The following CNTNAP2 variants were observed in gnomAD, a reference collection of about 807,000 sequenced individuals.
CNTNAP2 encodes the protein contactin-associated protein-like 2.
A neutral mutation model predicts 155.2 loss-of-function variants in CNTNAP2; 98 were observed. That is an observed-to-expected ratio of 0.63 (90% CI 0.54 to 0.75). CNTNAP2 has a LOEUF of 0.75. Ranked by LOEUF, CNTNAP2 falls within the 30% of genes least tolerant of loss-of-function variation. The pLI, the probability that CNTNAP2 is intolerant of heterozygous loss-of-function variation, is 0.00. For missense variants in CNTNAP2, 1,727 were observed against 1,688.1 expected, an observed-to-expected ratio of 1.02 and a Z score of -0.40; for synonymous variants, 651 against 631.2, an observed-to-expected ratio of 1.03 and a Z score of -0.47.
At chr7:148,108,362 A>C (rs1328273346) in intron 15 of CNTNAP2, among the ~76,000 whole-genome samples, 1 of 126,398 alleles carries the variant, frequency 7.9e-6, no homozygotes, top group African/African-American at 3.9e-5. Context: ...TTACCAAAAA[A>C]TTAAAAAAAA....
In CNTNAP2 at chr7:148,409,810, G is replaced by C. The variant is rs1218830126; in HGVS notation, c.3796+339G>C. On this transcript the variant is annotated intron_variant, in intron 23 of 23. Transcript: ENST00000361727. ...CTCACGCCTGTAATCCCAGCACTTTGGGAGGCCGAGGCGGGCGGATCACAA... is the reference window on the plus strand; with the variant it reads ...CTCACGCCTGTAATCCCAGCACTTTCGGAGGCCGAGGCGGGCGGATCACAA... 3.1e-4 allele frequency among the ~76,000 whole-genome samples: 31 copies of C among 98,750 alleles called. 9 individuals carry two copies. Among genetic ancestry groups the C allele is most frequent in the Admixed American group, 2.4e-3 (30 of 12,464 alleles). 64.8% of individuals were successfully genotyped at this position (98,750 alleles called of 152,430 possible). A position where few individuals can be genotyped will look rare whatever the true frequency, so the allele number is the denominator to read the frequency against.
rs201757623 is a variant in CNTNAP2, at chr7:147,051,385, G to A, written c.550+7331G>A. On this transcript the variant is annotated intron_variant, in intron 4 of 23. Coordinates refer to ENST00000361727, the MANE Select transcript of CNTNAP2 (RefSeq NM_014141.6). ...TCAATTTATTCAGTGAACCTGTATC[G>A]CATTCAGGCATTTAGAAACAACCTA... is the stretch of plus-strand genomic sequence containing the variant. 6.2e-4 allele frequency among the ~76,000 whole-genome samples: 94 copies of A among 151,694 alleles called. 3 individuals carry two copies. The East Asian group carries it at 0.01, about 16-fold the overall frequency.
intron 8 of CNTNAP2, among the ~76,000 whole-genome samples, chr7:147,171,900 A>G (rs1040048270): frequency 6.6e-6 from 1 of 152,032 alleles, no homozygotes; most frequent in Non-Finnish European, 1.5e-5. Flanking sequence ...AATATGTTCT[A>G]TGAAAAAAAC....
chr7:146,534,403 A>G (rs774218650), intron 1 of CNTNAP2, among the ~76,000 whole-genome samples: 7 of 152,150 alleles, frequency 4.6e-5, no homozygotes, highest in Non-Finnish European at 7.4e-5. Context: ...TAGGAATAAC[A>G]GTGATACAAT....
intron 1 of CNTNAP2, among the ~76,000 whole-genome samples, chr7:146,501,782 CTAA>C: frequency 6.6e-6 from 1 of 152,094 alleles, no homozygotes; most frequent in Middle Eastern, 3.4e-3. Flanking sequence ...CATCCTAAAT[CTAA>C]TGACAAGTGT....
chr7:146,712,576 C>T (rs1447407503), intron 1 of CNTNAP2, among the ~76,000 whole-genome samples: 1 of 150,218 alleles, frequency 6.7e-6, no homozygotes, highest in Non-Finnish European at 1.5e-5. Context: ...AATATTAATA[C>T]TTGACAGTCT....
chr7:147,098,425 T>A (rs1435132373), intron 4 of CNTNAP2, among the ~76,000 whole-genome samples: 3 of 151,720 alleles, frequency 2.0e-5, no homozygotes, highest in Non-Finnish European at 4.4e-5. Flanking sequence ...CTCTTTTCAC[T>A]GGAAAGTTCC....
intron 13 of CNTNAP2, among the ~76,000 whole-genome samples, chr7:147,722,862 A>G (rs1427424472): frequency 6.6e-6 from 1 of 152,132 alleles, no homozygotes; most frequent in Non-Finnish European, 1.5e-5. Flanking sequence ...AAGGGAAGCT[A>G]GAATCACTGT....
rs1292071691 is a variant in CNTNAP2 at position 148,417,072 on chromosome 7, T to TTATACTTAATAAGCACTTTCTA, written c.*1457_*1478dup. On this transcript the variant is annotated 3_prime_UTR_variant, in exon 24 of 24. Transcript: ENST00000361727. ...TTATCATCATTATATTTCAAGCCTC[T>TTATACTTAATAAGCACTTTCTA]TATACTTAATAAGCACTTTCTAAAA... 6.6e-6 allele frequency: 1 copy of TTATACTTAATAAGCACTTTCTA among 152,156 alleles called. No individual in the cohort carries two copies. Among genetic ancestry groups the TTATACTTAATAAGCACTTTCTA allele is most frequent in the East Asian group, 1.9e-4 (1 of 5,204 alleles). The allele number at this position is 152,156 out of a possible 1,614,324, so 9.4% of individuals were successfully genotyped here.
At chr7:146,910,925 C>T (rs1562997902) in intron 3 of CNTNAP2, among the ~76,000 whole-genome samples, 1 of 151,060 alleles carries the variant, frequency 6.6e-6, no homozygotes, top group Non-Finnish European at 1.5e-5. Flanking sequence ...GAGCTAATAT[C>T]CAGAATCTGC....
chr7:147,731,102 A>C lies in CNTNAP2; in HGVS notation c.2098+91796A>C, dbSNP rs149077203. On this transcript the variant is annotated intron_variant, in intron 13 of 23. Coordinates refer to ENST00000361727, the MANE Select transcript of CNTNAP2 (RefSeq NM_014141.6). ...AGCCTTCTCTATAACGTGAAAGTGC[A>C]AGGTGAAACAGCAAATGCTGATGTA... Among the ~76,000 whole-genome samples the C allele has an allele frequency of 2.9e-3, 443 of 152,284 alleles. 1 individual carries two copies. The highest frequency in any genetic ancestry group is 0.01 in the African/African-American group (429 of 41,574).
chr7:146,681,163 T>C (rs950630199), intron 1 of CNTNAP2, among the ~76,000 whole-genome samples: 3 of 151,396 alleles, frequency 2.0e-5, no homozygotes, highest in African/African-American at 7.3e-5. Flanking sequence ...GAAAAAATGA[T>C]TGTTTATTGC....
At chr7:146,526,608 G>A (rs1797695080) in intron 1 of CNTNAP2, among the ~76,000 whole-genome samples, 1 of 152,090 alleles carries the variant, frequency 6.6e-6, no homozygotes, top group Admixed American at 6.6e-5. Context: ...CTCCCTCCAG[G>A]CCCCACCTCC....
chr7:146,691,740 ACT>A (rs1800700179), intron 1 of CNTNAP2, among the ~76,000 whole-genome samples: 2 of 151,898 alleles, frequency 1.3e-5, no homozygotes, highest in South Asian at 4.2e-4. Context: ...CAACCCCGAA[ACT>A]CTCCTCCCCC....
At chr7:147,652,915 G>C (rs1795469754) in intron 13 of CNTNAP2, among the ~76,000 whole-genome samples, 1 of 152,110 alleles carries the variant, frequency 6.6e-6, no homozygotes, top group South Asian at 2.1e-4. Flanking sequence ...GGCCAAAAGA[G>C]ACATTTATAA....
At chr7:146,908,217 G>A (rs1024185635) in intron 3 of CNTNAP2, among the ~76,000 whole-genome samples, 29 of 150,290 alleles carry the variant, frequency 1.9e-4, no homozygotes, top group Admixed American at 1.2e-3. Flanking sequence ...CTTTAACACC[G>A]CACTGTCAAC....
At chr7:148,004,302 A>G (rs1801940072) in intron 15 of CNTNAP2, among the ~76,000 whole-genome samples, 1 of 152,198 alleles carries the variant, frequency 6.6e-6, no homozygotes, top group Non-Finnish European at 1.5e-5. Flanking sequence ...TTAAAAAAGT[A>G]TTTCTCAATT....
At chr7:146,502,463 T>TAGAG (rs1797319878) in intron 1 of CNTNAP2, among the ~76,000 whole-genome samples, 1 of 151,940 alleles carries the variant, frequency 6.6e-6, no homozygotes, top group Non-Finnish European at 1.5e-5. Flanking sequence ...GAAATGTGCA[T>TAGAG]ACTGTTTTCC....
intron 1 of CNTNAP2, among the ~76,000 whole-genome samples, chr7:146,322,292 A>G (rs934997418): frequency 2.0e-5 from 3 of 152,178 alleles, no homozygotes; most frequent in Non-Finnish European, 4.4e-5. Flanking sequence ...TTCACAGTAA[A>G]GAATTCCCCT....
Sources: gnomAD v4.1 joint callset for allele counts (sites outside exome capture counted in the v4.1 genomes callset) on GRCh38, gnomAD v4.1.1 for gene constraint, MANE v1.5 for transcripts, NCBI Gene and HGNC (gene_info 2026-07-23, HGNC 2026-07-21) for gene names.